The following GGA2 variants were observed in gnomAD, a reference collection of about 807,000 sequenced individuals.
GGA2 encodes the protein ADP-ribosylation factor-binding protein GGA2.
In GGA2, 48 loss-of-function variants were observed where a neutral mutation model predicts 79.5. The ratio of observed to expected loss-of-function variants is 0.60; its 90% CI spans 0.48 to 0.77. The LOEUF (loss-of-function observed/expected upper bound fraction) is 0.77, where lower values mean the gene tolerates loss of function less well. Ranked by LOEUF, GGA2 falls within the 30% of genes least tolerant of loss-of-function variation. The probability of loss-of-function intolerance (pLI) is 0.00; values close to 1 mark genes in which losing one functional copy is unlikely to be tolerated. For synonymous variants in GGA2, 317 were observed against 302.0 expected (o/e 1.05, Z -0.51); for missense variants, 770 against 774.0 (o/e 0.99, Z 0.06).
chr16:23,491,552 T>TAA, intron 5 of GGA2, 125 bp downstream of exon 5: 1 of 480,356 alleles, frequency 2.1e-6, no homozygotes, highest in Non-Finnish European at 3.5e-6. Context: ...AAAAAAACTC[T>TAA]ACCTCAGTGT....
chr16:23,500,352 T>C (rs1448573127), intron 1 of GGA2, among the ~76,000 whole-genome samples: 1 of 152,218 alleles, frequency 6.6e-6, no homozygotes, highest in Non-Finnish European at 1.5e-5. Flanking sequence ...TGCTGAGCTG[T>C]TGCTTGAGCA....
Position 23,493,429 on chromosome 16 carries a change from C to A in GGA2, c.282G>T (p.Gly94=). 1.2e-6 allele frequency: 2 copies of A among 1,611,810 alleles called. No homozygotes were observed. Among genetic ancestry groups the A allele is most frequent in the Non-Finnish European group, 1.7e-6 (2 of 1,177,968 alleles). Residue 94 remains glycine (G), a synonymous_variant, in exon 4 of 17, where the codon GGG becomes GGT. Coordinates refer to ENST00000309859, the MANE Select transcript of GGA2 (RefSeq NM_015044.4). ...TGGCCACCTCGCTGTGGAACTTCTCCCCACAGTGGTTCATGCACATCTCCA... is the reference window on the plus strand; with the variant it reads ...TGGCCACCTCGCTGTGGAACTTCTCACCACAGTGGTTCATGCACATCTCCA... ...TVLEMCMNHC[G]EKFHSEVAKF...
In GGA2 at chr16:23,479,810, C is replaced by A. The variant is rs1439098123; in HGVS notation, c.1084G>T (p.Gly362Trp). 1 of 1,614,192 alleles carries A rather than the reference C, an allele frequency of 6.2e-7. No homozygotes were observed. Among genetic ancestry groups the A allele is most frequent in the Non-Finnish European group, 8.5e-7 (1 of 1,180,034 alleles). Residue 362 changes from glycine (G) to tryptophan (W), a missense_variant, in exon 11 of 17, where the codon GGG becomes TGG. Gly to Trp is a radical substitution (Grantham distance 184). Coordinates refer to ENST00000309859, the MANE Select transcript of GGA2 (RefSeq NM_015044.4). Reference sequence around the variant, plus strand: ...TGAAGCAAAGATGGCACCACAGTCCCCATCTGCGCAGGTCCATTGTCCACC... The same window carrying A: ...TGAAGCAAAGATGGCACCACAGTCCACATCTGCGCAGGTCCATTGTCCACC... ...LEVDNGPAQM[G>W]TVVPSLLHQD...
At chr16:23,467,773 G>C in intron 16 of GGA2, 73 bp from the exon 17 acceptor site, 2 of 776,508 alleles carry the variant, frequency 2.6e-6, no homozygotes, top group Non-Finnish European at 4.7e-6. Context: ...GTTAAGTCAA[G>C]TGAGTGTTTC....
chr16:23,492,582 G>A (rs778143804), intron 4 of GGA2, among the ~76,000 whole-genome samples: 1 of 152,146 alleles, frequency 6.6e-6, no homozygotes, highest in Non-Finnish European at 1.5e-5. Context: ...CCAGGGGAGG[G>A]CACAGCAGCT....
upstream of GGA2, among the ~76,000 whole-genome samples, chr16:23,511,145 TTTTA>T (rs770200592): frequency 3.3e-5 from 5 of 152,040 alleles, no homozygotes; most frequent in South Asian, 2.1e-4. Context: ...TGCATTTATT[TTTTA>T]TTTTTCTTTT....
intron 13 of GGA2, among the ~76,000 whole-genome samples, chr16:23,476,875 C>T (rs975850379): frequency 6.6e-6 from 1 of 152,158 alleles, no homozygotes; most frequent in African/African-American, 2.4e-5. Flanking sequence ...TTAAATAAAC[C>T]TCTTTTCAGA....
chr16:23,513,140 A>G (rs1439986210), upstream of GGA2, among the ~76,000 whole-genome samples: 2 of 152,204 alleles, frequency 1.3e-5, no homozygotes, highest in East Asian at 1.9e-4. Flanking sequence ...TGAGCTCTAC[A>G]GTTTGCCAAG....
chr16:23,510,284 C>T, intron 1 of GGA2, 37 bp downstream of exon 1: 1 of 1,344,586 alleles, frequency 7.4e-7, no homozygotes. Flanking sequence ...TCACGTGCGG[C>T]GCAGCGGCTG....
chr16:23,467,430 A>ACAC lies in GGA2; in HGVS notation c.*157_*159dup. On this transcript the variant is annotated 3_prime_UTR_variant, in exon 17 of 17. Coordinates refer to ENST00000309859, the MANE Select transcript of GGA2 (RefSeq NM_015044.4). ...CACACACACACACACACACACACAC[A>ACAC]CACAGAGCATCTGCAGAATAAGTCA... 1 of 618,376 alleles carries ACAC rather than the reference A, an allele frequency of 1.6e-6. No homozygotes were observed. The highest frequency in any genetic ancestry group is 1.8e-5 in the South Asian group (1 of 54,936). The allele number at this position is 618,376 out of a possible 1,614,324, so 38.3% of individuals were successfully genotyped here.
intron 1 of GGA2, among the ~76,000 whole-genome samples, chr16:23,497,730 C>CTCCTCTGAACAGATATTTA (rs1964874314): frequency 6.6e-6 from 1 of 152,334 alleles, no homozygotes; most frequent in South Asian, 2.1e-4. Context: ...CTGTCTCCTC[C>CTCCTCTGAACAGATATTTA]TCCTCTGAAC....
chr16:23,498,195 G>A (rs1010987083), intron 1 of GGA2, among the ~76,000 whole-genome samples: 2 of 151,990 alleles, frequency 1.3e-5, no homozygotes, highest in East Asian at 1.9e-4. Context: ...CAGGAGAATC[G>A]CTTGAACCCG....
chr16:23,500,386 C>T (rs1180058636), intron 1 of GGA2, among the ~76,000 whole-genome samples: 2 of 152,166 alleles, frequency 1.3e-5, no homozygotes, highest in Non-Finnish European at 2.9e-5. Flanking sequence ...CAGGTAGGGT[C>T]GGCCCAGGGG....
At chr16:23,510,870 C>CGT (rs146414672), upstream of GGA2, among the ~76,000 whole-genome samples, 4,455 of 128,840 alleles carry the variant, frequency 0.035, 662 homozygotes, top group African/African-American at 0.098. Flanking sequence ...CCACGCCTGG[C>CGT]GTGTGTGTGT....
rs1353176902 is a variant in GGA2, at chr16:23,510,302, G to C, written c.91+19C>G. 1 of 1,408,390 alleles carries C rather than the reference G, an allele frequency of 7.1e-7. No homozygotes were observed. The highest frequency in any genetic ancestry group is 2.6e-5 in the Admixed American group (1 of 38,028). The allele number at this position is 1,408,390 out of a possible 1,614,324, so 87.2% of individuals were successfully genotyped here. A position where few individuals can be genotyped will look rare whatever the true frequency, so the allele number is the denominator to read the frequency against. ...CGTGCGGCGCAGCGGCTGCGCCGAAGGCCTGCCAGGCTACTCACTGAGCCA... is the reference window on the plus strand; with the variant it reads ...CGTGCGGCGCAGCGGCTGCGCCGAACGCCTGCCAGGCTACTCACTGAGCCA... On this transcript the variant is annotated intron_variant, in intron 1 of 16. Transcript: ENST00000309859.
Position 23,508,291 on chromosome 16 carries a change from C to T in GGA2, c.91+2030G>A, listed in dbSNP as rs139166446. On this transcript the variant is annotated intron_variant, in intron 1 of 16. Coordinates refer to ENST00000309859, the MANE Select transcript of GGA2 (RefSeq NM_015044.4). ...ATGTTGGCCAGGCTGGTCTTAAACTCCTGGCCTCAAAGGATTGGCCCACCT... is the reference window on the plus strand; with the variant it reads ...ATGTTGGCCAGGCTGGTCTTAAACTTCTGGCCTCAAAGGATTGGCCCACCT... Among the ~76,000 whole-genome samples the T allele has an allele frequency of 1.9e-3, 285 of 152,194 alleles. 2 individuals are homozygous for T. The highest frequency in any genetic ancestry group is 6.3e-3 in the African/African-American group (263 of 41,522).
At chr16:23,487,841 C>T (rs1443384660) in intron 6 of GGA2, among the ~76,000 whole-genome samples, 1 of 152,094 alleles carries the variant, frequency 6.6e-6, no homozygotes. Context: ...GGAGAGGGTG[C>T]AGTTGACAGG....
chr16:23,522,870 G>A (rs561471057), upstream of GGA2: 3 of 152,304 alleles, frequency 2.0e-5, no homozygotes, highest in South Asian at 4.1e-4. Flanking sequence ...TGCTTGGCTG[G>A]AATTGAAGGA....
intron 14 of GGA2, among the ~76,000 whole-genome samples, chr16:23,474,354 A>C (rs1295439347): frequency 1.3e-5 from 2 of 152,050 alleles, no homozygotes; most frequent in Admixed American, 6.6e-5. Context: ...AAAGACAAAG[A>C]AGCAAACTTT....
Sources: allele counts gnomAD v4.1 joint callset (sites outside exome capture counted in the v4.1 genomes callset), GRCh38; gene constraint gnomAD v4.1.1; transcripts MANE v1.5; gene names NCBI Gene and HGNC (gene_info 2026-07-23, HGNC 2026-07-21).